RIC3: variants seen among roughly 807,000 people sequenced by gnomAD.
RIC3 encodes the protein RIC3 acetylcholine receptor chaperone.
Under a neutral mutation model 27.3 loss-of-function variants are expected in RIC3, and 28 were observed. That is an observed-to-expected ratio of 1.02 (90% CI 0.76 to 1.41). RIC3 has a LOEUF of 1.41. RIC3 is among the 40% of genes most tolerant of loss of function. The pLI is 0.00. For synonymous variants in RIC3, 184 were observed against 160.4 expected (o/e 1.15, Z -1.11); for missense variants, 501 against 444.7 (o/e 1.13, Z -1.14).
rs942202845 is a variant in RIC3 at position 8,168,853 on chromosome 11, G to A, written c.124+13C>T. On this transcript the variant is annotated intron_variant, in intron 1 of 5. Transcript: ENST00000309737. ...GGCGCCGGGAAGCTCAGAGGGAGCT[G>A]GCCTGCTCTTACCTTCAGGTGTCGG... 2 of 1,610,468 alleles carry A rather than the reference G, an allele frequency of 1.2e-6. No individual in the cohort carries two copies. The highest frequency in any genetic ancestry group is 1.7e-6 in the Non-Finnish European group (2 of 1,178,184).
In RIC3 at chr11:8,151,059, A is replaced by G. The variant is rs545884318; in HGVS notation, c.125-10866T>C. ...AATCTTACAGGAAAACATAGACATA[A>G]ATCCTTGTGACTGTGGATTAGGTGA... On this transcript the variant is annotated intron_variant, in intron 1 of 5. Transcript: ENST00000309737. 1.8e-4 allele frequency among the ~76,000 whole-genome samples: 28 copies of G among 152,330 alleles called. No homozygotes were observed. In the South Asian group the frequency reaches 5.8e-3, roughly 32 times the overall value.
At chr11:8,097,112 C>T in the RIC3 span, 4 of 1,214,580 alleles carry the variant, frequency 3.3e-6, no homozygotes, top group East Asian at 1.0e-4. Context: ...GGCCCCAATC[C>T]CAGGATCCTT....
chr11:8,138,499 A>C (rs1948665276), intron 2 of RIC3, 152 bp from the exon 3 acceptor site: 1 of 510,180 alleles, frequency 2.0e-6, no homozygotes. Flanking sequence ...CTCAAAAAAA[A>C]AAACGCCAAA....
rs1373228127 is a variant in RIC3, at chr11:8,126,649, C to T, written c.670+10G>A. 6.2e-7 allele frequency: 1 copy of T among 1,613,416 alleles called. No individual in the cohort carries two copies. The highest frequency in any genetic ancestry group is 2.2e-5 in the East Asian group (1 of 44,852). ...GACAGCTAACAAAAAAATGAGAAGA[C>T]ACTGTTTACCTTCCCAGTCCTCCAT... On this transcript the variant is annotated intron_variant, in intron 5 of 5. Transcript: ENST00000309737.
chr11:8,112,577 G>A (rs1256312419), intron 5 of RIC3, among the ~76,000 whole-genome samples: 1 of 152,182 alleles, frequency 6.6e-6, no homozygotes, highest in Non-Finnish European at 1.5e-5. Context: ...TTACAGGCAT[G>A]AGCCACCGCG....
chr11:8,110,907 C>T lies in RIC3; in HGVS notation c.901G>A (p.Glu301Lys). 6.2e-7 allele frequency: 1 copy of T among 1,614,204 alleles called. No individual in the cohort carries two copies. The change falls in exon 6 of 6, where the codon GAA becomes AAA. Residue 301 changes from glutamate to lysine, a missense_variant. Glu to Lys is a moderately conservative substitution (Grantham distance 56). Transcript: ENST00000309737. Reference sequence around the variant, plus strand: ...TCATGAAAACAGCAGGAACATGTTTCTGGCTTTGGATCACACGAGGTAACA... The same window carrying T: ...TCATGAAAACAGCAGGAACATGTTTTTGGCTTTGGATCACACGAGGTAACA... ...NSVTSCDPKP[E>K]TCSCCFHEDE...
rs1431020273 is a variant in RIC3 at position 8,106,846 on chromosome 11, G to T, written c.*3852C>A. On this transcript the variant is annotated 3_prime_UTR_variant, in exon 6 of 6. Transcript: ENST00000309737. Reference sequence around the variant, plus strand: ...TGCAGAAGGGCCCTGGGCCACTCCTGGCAATCAGGGTAGCCTTAGAGGGTG... The same window carrying T: ...TGCAGAAGGGCCCTGGGCCACTCCTTGCAATCAGGGTAGCCTTAGAGGGTG... 6.6e-6 allele frequency: 1 copy of T among 152,222 alleles called. No individual in the cohort carries two copies. The highest frequency in any genetic ancestry group is 1.5e-5 in the Non-Finnish European group (1 of 68,046). 9.4% of individuals were successfully genotyped at this position (152,222 alleles called of 1,614,324 possible).
At chr11:8,096,540 T>C in the RIC3 span, 2 of 691,796 alleles carry the variant, frequency 2.9e-6, no homozygotes, top group East Asian at 5.0e-5. Context: ...GGAGTCTATA[T>C]GTGTAGATAT....
At chr11:8,152,654 A>C (rs1950340350) in intron 1 of RIC3, among the ~76,000 whole-genome samples, 2 of 152,088 alleles carry the variant, frequency 1.3e-5, no homozygotes, top group Non-Finnish European at 2.9e-5. Context: ...TCTAAAATTG[A>C]CTGTAGTGAT....
At chr11:8,145,231 T>C (rs1025786161) in intron 1 of RIC3, among the ~76,000 whole-genome samples, 6 of 148,590 alleles carry the variant, frequency 4.0e-5, no homozygotes, top group Non-Finnish European at 7.5e-5. Context: ...AAATACAATG[T>C]GGTCTCAGGA....
At chr11:8,141,946 A>G (rs1423706399) in intron 1 of RIC3, among the ~76,000 whole-genome samples, 2 of 152,076 alleles carry the variant, frequency 1.3e-5, no homozygotes, top group South Asian at 2.1e-4. Context: ...TAACGAAACG[A>G]AGGCAGAAAT....
At chr11:8,144,247 A>G (rs1949408972) in intron 1 of RIC3, among the ~76,000 whole-genome samples, 1 of 150,918 alleles carries the variant, frequency 6.6e-6, no homozygotes, top group Non-Finnish European at 1.5e-5. Flanking sequence ...CAGGCAACCT[A>G]CAAAATGGGA....
intron 3 of RIC3, 144 bp downstream of exon 3, chr11:8,138,128 C>T: frequency 3.5e-6 from 2 of 572,964 alleles, no homozygotes; most frequent in Middle Eastern, 3.1e-4. Context: ...TTGAGAATTC[C>T]CAGAACTAAG....
chr11:8,106,159 A>G lies in RIC3; in HGVS notation c.*4539T>C, dbSNP rs923534842. 1.3e-5 allele frequency: 2 copies of G among 152,192 alleles called. No homozygotes were observed. Among genetic ancestry groups the G allele is most frequent in the Non-Finnish European group, 2.9e-5 (2 of 68,022 alleles). 9.4% of individuals were successfully genotyped at this position (152,192 alleles called of 1,614,324 possible). ...GCAATGACAAACTTGGTATTTTCCC[A>G]TGTTGACATTATGTATGTTGTAGAA... On this transcript the variant is annotated 3_prime_UTR_variant, in exon 6 of 6. Transcript: ENST00000309737.
chr11:8,117,324 C>A (rs933345426), intron 5 of RIC3, among the ~76,000 whole-genome samples: 4 of 152,206 alleles, frequency 2.6e-5, no homozygotes, highest in African/African-American at 9.6e-5. Flanking sequence ...CTCGGCCTCC[C>A]AAAGTGTTGG....
intron 4 of RIC3, among the ~76,000 whole-genome samples, chr11:8,131,699 G>A (rs113953805): frequency 0.017 from 2,558 of 151,892 alleles, 72 homozygotes; most frequent in African/African-American, 0.058. Flanking sequence ...TCAGGAGTTC[G>A]AGTCAAGCCT....
chr11:8,129,602 A>C (rs143736433), intron 4 of RIC3, among the ~76,000 whole-genome samples: 1 of 152,332 alleles, frequency 6.6e-6, no homozygotes, highest in Admixed American at 6.5e-5. Context: ...AGAAAAATAA[A>C]AGGTCACAGT....
At chr11:8,165,648 T>C (rs1951610673) in intron 1 of RIC3, among the ~76,000 whole-genome samples, 2 of 150,542 alleles carry the variant, frequency 1.3e-5, no homozygotes, top group Non-Finnish European at 2.9e-5. Flanking sequence ...TGAAACCCAA[T>C]AAATTGTACA....
intron 5 of RIC3, among the ~76,000 whole-genome samples, chr11:8,119,083 G>T (rs753949836): frequency 3.3e-5 from 5 of 152,098 alleles, no homozygotes; most frequent in Admixed American, 6.5e-5. Flanking sequence ...ACAAAATAAG[G>T]TAAATGGGAA....
Sources: gnomAD v4.1 joint callset for allele counts (sites outside exome capture counted in the v4.1 genomes callset) on GRCh38, gnomAD v4.1.1 for gene constraint, MANE v1.5 for transcripts, NCBI Gene and HGNC (gene_info 2026-07-23, HGNC 2026-07-21) for gene names.